Variants in KCNIP4 observed in about 807,000 individuals in gnomAD.
KCNIP4 encodes Kv channel-interacting protein 4.
Under a neutral mutation model 34.0 loss-of-function variants are expected in KCNIP4, and 12 were observed. The observed-to-expected ratio is 0.35, with a 90% CI of 0.23 to 0.57. The LOEUF (loss-of-function observed/expected upper bound fraction) is 0.57. KCNIP4 is among the 20% of genes least tolerant of loss of function. The probability of loss-of-function intolerance (pLI) is 0.83; values close to 1 mark genes in which losing one functional copy is unlikely to be tolerated. For missense variants in KCNIP4, 238 were observed against 311.7 expected, an observed-to-expected ratio of 0.76 and a Z score of 1.78; for synonymous variants, 124 against 102.2, an observed-to-expected ratio of 1.21 and a Z score of -1.29.
intron 1 of KCNIP4, among the ~76,000 whole-genome samples, chr4:21,637,071 T>C (rs1208295811): frequency 6.6e-6 from 1 of 152,108 alleles, no homozygotes; most frequent in East Asian, 1.9e-4. Context: ...GGAAATTGGT[T>C]CCGGGACCTC....
chr4:21,351,142 A>G (rs1222584044), intron 1 of KCNIP4, among the ~76,000 whole-genome samples: 2 of 152,182 alleles, frequency 1.3e-5, no homozygotes, highest in Non-Finnish European at 2.9e-5. Flanking sequence ...GGTAAATTAA[A>G]ATGTAGTACC....
chr4:21,365,522 T>TAAATAAAA (rs1553869740), intron 1 of KCNIP4, among the ~76,000 whole-genome samples: 18 of 113,496 alleles, frequency 1.6e-4, no homozygotes, highest in Admixed American at 4.1e-4. Context: ...AATAAATAAA[T>TAAATAAAA]AAAAAATAAA....
intron 1 of KCNIP4, among the ~76,000 whole-genome samples, chr4:20,923,081 AGT>A (rs1729566571): frequency 6.6e-6 from 1 of 152,190 alleles, no homozygotes; most frequent in African/African-American, 2.4e-5. Flanking sequence ...AGACTCCAGC[AGT>A]GTCACCAAAA....
At chr4:20,925,564 CA>C (rs1729820100) in intron 1 of KCNIP4, among the ~76,000 whole-genome samples, 2 of 152,164 alleles carry the variant, frequency 1.3e-5, no homozygotes, top group Non-Finnish European at 2.9e-5. Context: ...CGGCAGCCCT[CA>C]GGGGCTGCTC....
chr4:20,963,362 A>G (rs1398225289), intron 1 of KCNIP4, among the ~76,000 whole-genome samples: 2 of 151,752 alleles, frequency 1.3e-5, no homozygotes, highest in Non-Finnish European at 2.9e-5. Context: ...AAAAGAAAGT[A>G]TAAATAATAA....
chr4:21,742,646 G>A (rs568948990), intron 1 of KCNIP4, among the ~76,000 whole-genome samples: 1 of 152,092 alleles, frequency 6.6e-6, no homozygotes, highest in Non-Finnish European at 1.5e-5. Context: ...TCAAGTTAAT[G>A]GTATGTATAT....
At chr4:21,005,273 A>G (rs1257351224) in intron 1 of KCNIP4, among the ~76,000 whole-genome samples, 2 of 152,186 alleles carry the variant, frequency 1.3e-5, no homozygotes, top group Admixed American at 1.3e-4. Context: ...GTGGCTCAGT[A>G]CACAGGCAGA....
At chr4:21,547,040 G>A (rs1307087785) in intron 1 of KCNIP4, among the ~76,000 whole-genome samples, 1 of 151,990 alleles carries the variant, frequency 6.6e-6, no homozygotes, top group South Asian at 2.1e-4. Context: ...CATATTGCTG[G>A]GTTTGGCTTG....
intron 1 of KCNIP4, among the ~76,000 whole-genome samples, chr4:21,196,070 T>C (rs1484155717): frequency 6.6e-6 from 1 of 152,240 alleles, no homozygotes; most frequent in Non-Finnish European, 1.5e-5. Context: ...AGGCATGGAC[T>C]TCTTAAAGAA....
chr4:21,477,625 A>G (rs10516387), intron 1 of KCNIP4, among the ~76,000 whole-genome samples: 36,919 of 152,132 alleles, frequency 0.24, 4,877 homozygotes, highest in Non-Finnish European at 0.31. Context: ...AAACTTTTTC[A>G]TTTAAGAGAG....
chr4:20,876,060 A>G (rs1482578954), intron 2 of KCNIP4, among the ~76,000 whole-genome samples: 3 of 152,192 alleles, frequency 2.0e-5, no homozygotes, highest in Non-Finnish European at 2.9e-5. Flanking sequence ...ATAAAAAACA[A>G]AAACCCCTGG....
At chr4:20,773,708 G>T (rs957616992) in intron 3 of KCNIP4, among the ~76,000 whole-genome samples, 20 of 152,088 alleles carry the variant, frequency 1.3e-4, no homozygotes, top group African/African-American at 4.3e-4. Context: ...TTTCAAGAAG[G>T]CTATTTCCTT....
chr4:20,999,414 G>GTT (rs5856594), intron 1 of KCNIP4, among the ~76,000 whole-genome samples: 16 of 95,340 alleles, frequency 1.7e-4, no homozygotes, highest in African/African-American at 5.6e-4. Context: ...TTGTGGTGGT[G>GTT]TTTTTTTTTT....
In KCNIP4 at chr4:21,518,425, AAC is replaced by A. The variant is rs541555494; in HGVS notation, c.61+430144_61+430145del. Reference sequence around the variant, plus strand: ...ACCCTAACCCTCTAATCATCAAGGAAACACATATAGGCTGAACAGCAACCTGC... The same window carrying A: ...ACCCTAACCCTCTAATCATCAAGGAAACATATAGGCTGAACAGCAACCTGC... On this transcript the variant is annotated intron_variant, in intron 1 of 8. Coordinates refer to ENST00000382152, the MANE Select transcript of KCNIP4 (RefSeq NM_025221.6). Among the ~76,000 whole-genome samples, 169 of 152,246 alleles carry A rather than the reference AAC, an allele frequency of 1.1e-3. 3 individuals are homozygous for A. Among genetic ancestry groups the A allele is most frequent in the African/African-American group, 3.9e-3 (160 of 41,536 alleles).
At chr4:21,911,965 A>T (rs1728360601) in intron 1 of KCNIP4, among the ~76,000 whole-genome samples, 1 of 151,888 alleles carries the variant, frequency 6.6e-6, no homozygotes, top group Non-Finnish European at 1.5e-5. Flanking sequence ...CAAAGCACTA[A>T]CTCACCCTCA....
intron 1 of KCNIP4, among the ~76,000 whole-genome samples, chr4:21,689,480 A>T (rs1751083558): frequency 6.6e-6 from 1 of 152,176 alleles, no homozygotes; most frequent in Non-Finnish European, 1.5e-5. Context: ...AGGAATTAAA[A>T]GCTGGAATTC....
At chr4:21,394,906 C>G (rs1289703689) in intron 1 of KCNIP4, among the ~76,000 whole-genome samples, 1 of 152,096 alleles carries the variant, frequency 6.6e-6, no homozygotes, top group African/African-American at 2.4e-5. Context: ...TCTTTTATTA[C>G]ATTTCCATTT....
At chr4:21,773,768 T>TG (rs1491006952) in intron 1 of KCNIP4, among the ~76,000 whole-genome samples, 3 of 121,714 alleles carry the variant, frequency 2.5e-5, no homozygotes, top group African/African-American at 2.1e-4. Flanking sequence ...TGTTTGTTTG[T>TG]TTTTGTTTTG....
chr4:21,854,482 C>T (rs1724624945), intron 1 of KCNIP4, among the ~76,000 whole-genome samples: 2 of 152,054 alleles, frequency 1.3e-5, no homozygotes, highest in Admixed American at 1.3e-4. Context: ...GGTCTTCTCC[C>T]CTTTTGAGTG....
Sources: allele counts gnomAD v4.1 joint callset (sites outside exome capture counted in the v4.1 genomes callset), GRCh38; gene constraint gnomAD v4.1.1; transcripts MANE v1.5; gene names NCBI Gene and HGNC (gene_info 2026-07-23, HGNC 2026-07-21).